TNKS: variants seen among roughly 807,000 people sequenced by gnomAD.
TNKS encodes the protein tankyrase.
Under a neutral mutation model 135.8 loss-of-function variants are expected in TNKS, and 72 were observed. That is an observed-to-expected ratio of 0.53 (90% CI 0.44 to 0.64). The LOEUF (loss-of-function observed/expected upper bound fraction) is 0.64, where lower values mean the gene tolerates loss of function less well. Ranked by LOEUF, TNKS falls within the 30% of genes least tolerant of loss-of-function variation. The pLI is 0.00. For missense variants in TNKS, 1,769 were observed against 1,674.0 expected (o/e 1.06, Z -0.99); for synonymous variants, 849 against 649.3 (o/e 1.31, Z -4.68).
intron 20 of TNKS, among the ~76,000 whole-genome samples, chr8:9,756,971 G>GTT (rs545554618): frequency 6.6e-6 from 1 of 150,826 alleles, no homozygotes; most frequent in African/African-American, 2.4e-5. Context: ...GTTTTTGTTT[G>GTT]TTTTTTTTTG....
At chr8:9,673,280 T>C (rs1802383674) in intron 3 of TNKS, among the ~76,000 whole-genome samples, 1 of 152,168 alleles carries the variant, frequency 6.6e-6, no homozygotes, top group African/African-American at 2.4e-5. Context: ...TATTGTGTTT[T>C]TGAAATGTTT....
chr8:9,636,386 C>T (rs1385391691), intron 3 of TNKS, among the ~76,000 whole-genome samples: 2 of 47,450 alleles, frequency 4.2e-5, no homozygotes, highest in Non-Finnish European at 1.3e-4. Context: ...GTTTTCTGAC[C>T]TTAGACAGCC....
chr8:9,599,934 A>G (rs984738286), intron 2 of TNKS, among the ~76,000 whole-genome samples: 2 of 152,238 alleles, frequency 1.3e-5, no homozygotes, highest in Non-Finnish European at 2.9e-5. Context: ...TTAACTCATT[A>G]AGTCATATAT....
At chr8:9,600,671 A>G (rs1798984010) in intron 2 of TNKS, among the ~76,000 whole-genome samples, 2 of 151,998 alleles carry the variant, frequency 1.3e-5, no homozygotes, top group African/African-American at 4.8e-5. Context: ...ACGTACTTGG[A>G]AAAAAAAGTT....
At chr8:9,679,803 G>A (rs771220775) in intron 3 of TNKS, 148 bp from the exon 4 acceptor site, 5 of 573,286 alleles carry the variant, frequency 8.7e-6, no homozygotes, top group South Asian at 2.5e-5. Context: ...GCCTTCACAA[G>A]CTGGCTAACG....
At chr8:9,597,540 T>G (rs947450731) in intron 2 of TNKS, among the ~76,000 whole-genome samples, 4 of 152,244 alleles carry the variant, frequency 2.6e-5, no homozygotes, top group African/African-American at 9.6e-5. Flanking sequence ...ATTTAGATTC[T>G]TTTAACCTAG....
intron 3 of TNKS, among the ~76,000 whole-genome samples, chr8:9,640,067 C>T (rs1800667496): frequency 6.6e-6 from 1 of 152,130 alleles, no homozygotes; most frequent in Non-Finnish European, 1.5e-5. Context: ...ATCAAGGGGT[C>T]TTTCTGGCAA....
intron 17 of TNKS, among the ~76,000 whole-genome samples, chr8:9,742,312 T>A (rs77981170): frequency 6.6e-6 from 1 of 151,970 alleles, no homozygotes; most frequent in Admixed American, 6.6e-5. Context: ...GACCTTTTTT[T>A]AATTACCTTT....
chr8:9,779,246 T>C lies in TNKS; in HGVS notation c.*2510T>C, dbSNP rs542091336. 8 of 152,778 alleles carry C rather than the reference T, an allele frequency of 5.2e-5. No homozygotes were observed. The highest frequency in any genetic ancestry group is 1.7e-4 in the African/African-American group (7 of 41,576). The allele number at this position is 152,778 out of a possible 1,614,324, so 9.5% of individuals were successfully genotyped here. A position where few individuals can be genotyped will look rare whatever the true frequency, so the allele number is the denominator to read the frequency against. On this transcript the variant is annotated 3_prime_UTR_variant, in exon 27 of 27. Coordinates refer to ENST00000310430, the MANE Select transcript of TNKS (RefSeq NM_003747.3). Reference sequence around the variant, plus strand: ...GCACTCAAAAGTTAGGACAAGTTTATTACATTTGGGATTTTCATCTGTAGC... The same window carrying C: ...GCACTCAAAAGTTAGGACAAGTTTACTACATTTGGGATTTTCATCTGTAGC...
In TNKS at chr8:9,751,823, G is replaced by A. The variant is rs1418525331; in HGVS notation, c.3047G>A (p.Gly1016Glu). Residue 1016 changes from glycine to glutamate, a missense_variant, in exon 19 of 27, where the codon GGA becomes GAA. Gly to Glu is a moderately conservative substitution (Grantham distance 98). Coordinates refer to ENST00000310430, the MANE Select transcript of TNKS (RefSeq NM_003747.3). ...GASNAGDGAA[G>E]TERKEGEVAG... Reference sequence around the variant, plus strand: ...TCCAATGCAGGGGATGGCGCCGCGGGAACAGAAAGGAAGGAAGGAGAAGGT... The same window carrying A: ...TCCAATGCAGGGGATGGCGCCGCGGAAACAGAAAGGAAGGAAGGAGAAGGT... 4 of 1,614,166 alleles carry A rather than the reference G, an allele frequency of 2.5e-6. No homozygotes were observed. The highest frequency in any genetic ancestry group is 1.7e-4 in the Middle Eastern group (1 of 6,060).
chr8:9,615,327 A>C (rs1799598760), intron 2 of TNKS: 1 of 279,236 alleles, frequency 3.6e-6, no homozygotes, highest in Admixed American at 5.4e-5. Flanking sequence ...AAAACTCTAC[A>C]TTGCAAGATT....
chr8:9,566,400 C>A (rs1347681427), intron 1 of TNKS: 1 of 151,972 alleles, frequency 6.6e-6, no homozygotes, highest in Non-Finnish European at 1.5e-5. Context: ...TAACTGTTAT[C>A]CTATGTTAAT....
At chr8:9,588,579 A>G (rs887317541) in intron 2 of TNKS, among the ~76,000 whole-genome samples, 35 of 152,116 alleles carry the variant, frequency 2.3e-4, no homozygotes, top group African/African-American at 4.3e-4. Context: ...CCCGGCCCCA[A>G]ATTGTTTCTT....
intron 3 of TNKS, among the ~76,000 whole-genome samples, chr8:9,616,739 C>T (rs56413432): frequency 0.023 from 3,464 of 152,204 alleles, 46 homozygotes; most frequent in Non-Finnish European, 0.034. Context: ...TTTTCTCAAT[C>T]AAAGATTAGT....
chr8:9,766,773 C>T (rs908123666), intron 25 of TNKS, among the ~76,000 whole-genome samples: 5 of 152,156 alleles, frequency 3.3e-5, no homozygotes, highest in East Asian at 1.9e-4. Context: ...CATGAGCCAC[C>T]GTGCCCAGCC....
At position 9,736,503 on chromosome 8, in the gene TNKS, T is replaced by C. The variant is rs374539364; in HGVS notation, c.2643+1017T>C. Among the ~76,000 whole-genome samples the C allele has an allele frequency of 4.5e-4, 69 of 151,820 alleles. No individual in the cohort carries two copies. In the East Asian group the frequency reaches 8.1e-3, roughly 18 times the overall value. On this transcript the variant is annotated intron_variant, in intron 17 of 26. Coordinates refer to ENST00000310430, the MANE Select transcript of TNKS (RefSeq NM_003747.3). The stretch of plus-strand genomic sequence containing the variant: ...CGCCTATGTCCTGAATGGTAATGCC[T>C]AGGTTTTCTTCTAGGGTTTTTATGG...
At chr8:9,565,991 T>G (rs1471231844) in intron 1 of TNKS, among the ~76,000 whole-genome samples, 4 of 152,192 alleles carry the variant, frequency 2.6e-5, no homozygotes, top group African/African-American at 7.2e-5. Context: ...TTGACATATA[T>G]ATTATATACA....
chr8:9,742,154 A>G (rs939715265), intron 17 of TNKS, among the ~76,000 whole-genome samples: 5 of 152,158 alleles, frequency 3.3e-5, no homozygotes, highest in Non-Finnish European at 7.4e-5. Flanking sequence ...TAATGTGTTT[A>G]TAGCAGGTAT....
In TNKS at chr8:9,592,833, T is replaced by G. The variant is rs368102327; in HGVS notation, c.898+12450T>G. Among the ~76,000 whole-genome samples the G allele has an allele frequency of 2.4e-4, 36 of 152,318 alleles. No homozygotes were observed. The South Asian group carries it at 2.5e-3, about 11-fold the overall frequency. On this transcript the variant is annotated intron_variant, in intron 2 of 26. Transcript: ENST00000310430. ...GATTAGGTGATATCTTGAGATTCCT[T>G]TATTTTAAAGCAATGTGAACTTGCA...
Sources: gnomAD v4.1 joint callset for allele counts (sites outside exome capture counted in the v4.1 genomes callset) on GRCh38, gnomAD v4.1.1 for gene constraint, MANE v1.5 for transcripts, NCBI Gene and HGNC (gene_info 2026-07-23, HGNC 2026-07-21) for gene names.